The following MAGI2 variants were observed in gnomAD, a reference collection of about 807,000 sequenced individuals.
The protein encoded by MAGI2 is membrane associated guanylate kinase, WW and PDZ domain containing 2.
A neutral mutation model predicts 133.3 loss-of-function variants in MAGI2; 35 were observed. The ratio of observed to expected loss-of-function variants is 0.26; its 90% CI spans 0.20 to 0.35. MAGI2 has a LOEUF of 0.35. Ranked by LOEUF, MAGI2 falls within the 10% of genes least tolerant of loss-of-function variation. The probability of loss-of-function intolerance (pLI) is 1.00; values close to 1 mark genes in which losing one functional copy is unlikely to be tolerated. For missense variants in MAGI2, 1,636 were observed against 1,863.4 expected, an observed-to-expected ratio of 0.88 and a Z score of 2.25; for synonymous variants, 729 against 710.6, an observed-to-expected ratio of 1.03 and a Z score of -0.41.
At chr7:78,832,222 G>T (rs181712089) in intron 2 of MAGI2, among the ~76,000 whole-genome samples, 1 of 151,072 alleles carries the variant, frequency 6.6e-6, no homozygotes. Flanking sequence ...TCTAAGAATT[G>T]GTAGTTAAAA....
In MAGI2 at chr7:78,985,694, G is replaced by C. The variant is rs561029702; in HGVS notation, c.418+21396C>G. On this transcript the variant is annotated intron_variant, in intron 2 of 21. Transcript: ENST00000354212. ...TAAACTAAGTCTAAACTTTTAAAGC[G>C]CCATCTACCGTACACTGGAGTGGCT... is the stretch of plus-strand genomic sequence containing the variant. Among the ~76,000 whole-genome samples the C allele has an allele frequency of 1.3e-3, 203 of 152,078 alleles. 1 individual carries two copies. Among genetic ancestry groups the C allele is most frequent in the Non-Finnish European group, 2.4e-3 (165 of 67,972 alleles).
chr7:78,997,254 A>T (rs1465791849), intron 2 of MAGI2, among the ~76,000 whole-genome samples: 1 of 152,178 alleles, frequency 6.6e-6, no homozygotes, highest in Non-Finnish European at 1.5e-5. Context: ...ACAGCTTAGA[A>T]GAGAAACTGG....
intron 1 of MAGI2, among the ~76,000 whole-genome samples, chr7:79,144,561 C>T (rs550374569): frequency 1.3e-5 from 2 of 152,258 alleles, no homozygotes; most frequent in South Asian, 2.1e-4. Flanking sequence ...GTCGATTAAA[C>T]CTCTTTTCTT....
chr7:79,229,056 A>G (rs1031638580), intron 1 of MAGI2, among the ~76,000 whole-genome samples: 7 of 152,126 alleles, frequency 4.6e-5, no homozygotes, highest in Non-Finnish European at 7.4e-5. Context: ...AGTCTGAAGT[A>G]AAGCTCTGCA....
chr7:79,103,320 T>G (rs905099625), intron 1 of MAGI2, among the ~76,000 whole-genome samples: 27 of 152,216 alleles, frequency 1.8e-4, no homozygotes, highest in African/African-American at 5.8e-4. Context: ...GCCTGCTCCC[T>G]GTTTTTTATA....
intron 3 of MAGI2, chr7:78,617,089 G>A (rs1807186245): frequency 6.6e-6 from 1 of 152,086 alleles, no homozygotes; most frequent in African/African-American, 2.4e-5. Flanking sequence ...AGGTAGTCAG[G>A]TAGGAGCTCC....
At chr7:78,725,123 T>C (rs1820641230) in intron 2 of MAGI2, among the ~76,000 whole-genome samples, 1 of 152,238 alleles carries the variant, frequency 6.6e-6, no homozygotes, top group Non-Finnish European at 1.5e-5. Context: ...ATGTCTTTTA[T>C]GAAGAAAAGC....
rs58788674 is a variant in MAGI2 at position 78,057,977 on chromosome 7, G to GTATATATATATATATATATATATATA, written c.3706+20944_3706+20969dup. Among the ~76,000 whole-genome samples the GTATATATATATATATATATATATATA allele has an allele frequency of 4.0e-3, 421 of 106,232 alleles. 13 individuals carry two copies. The highest frequency in any genetic ancestry group is 0.01 in the Middle Eastern group (2 of 198). 69.7% of individuals were successfully genotyped at this position (106,232 alleles called of 152,430 possible). A position where few individuals can be genotyped will look rare whatever the true frequency, so the allele number is the denominator to read the frequency against. On this transcript the variant is annotated intron_variant, in intron 21 of 21. Transcript: ENST00000354212. ...CCCCTCTGGCATTTTATATATATGT[G>GTATATATATATATATATATATATATA]TATATATATATATATATATATATAT...
At chr7:79,350,514 A>G (rs1016622574) in intron 1 of MAGI2, among the ~76,000 whole-genome samples, 10 of 152,108 alleles carry the variant, frequency 6.6e-5, no homozygotes, top group Non-Finnish European at 1.2e-4. Flanking sequence ...TTTTCTTATA[A>G]TTACAGTTAA....
chr7:78,696,227 T>C (rs1817500127), intron 2 of MAGI2, among the ~76,000 whole-genome samples: 1 of 152,160 alleles, frequency 6.6e-6, no homozygotes, highest in South Asian at 2.1e-4. Context: ...CATGAACCAC[T>C]GCACCTAGCC....
intron 2 of MAGI2, among the ~76,000 whole-genome samples, chr7:78,644,341 A>C (rs1336007702): frequency 6.6e-6 from 1 of 152,114 alleles, no homozygotes; most frequent in Non-Finnish European, 1.5e-5. Context: ...ACATTTATAG[A>C]ACACTTAACA....
intron 20 of MAGI2, among the ~76,000 whole-genome samples, chr7:78,117,775 G>A (rs898311770): frequency 1.3e-5 from 2 of 152,178 alleles, no homozygotes; most frequent in Non-Finnish European, 2.9e-5. Flanking sequence ...GGTAGGTACA[G>A]ATAAATTATT....
At chr7:78,032,714 G>A (rs1809719414) in intron 21 of MAGI2, among the ~76,000 whole-genome samples, 1 of 152,222 alleles carries the variant, frequency 6.6e-6, no homozygotes, top group Admixed American at 6.5e-5. Flanking sequence ...AAGTTAAGGA[G>A]ATAGAAAGTG....
Position 78,330,258 on chromosome 7 carries a change from T to G in MAGI2, c.1408+13520A>C, listed in dbSNP as rs537106745. Among the ~76,000 whole-genome samples the G allele has an allele frequency of 2.5e-4, 38 of 152,260 alleles. No individual in the cohort carries two copies. The South Asian group carries it at 6.8e-3, about 27-fold the overall frequency. On this transcript the variant is annotated intron_variant, in intron 9 of 21. Transcript: ENST00000354212. ...TAAGGACAACATAATCATAGAAGAC[T>G]CTATGATGATTACAGCAAATCTTCT...
chr7:79,117,575 A>C (rs967876265), intron 1 of MAGI2, among the ~76,000 whole-genome samples: 1 of 152,184 alleles, frequency 6.6e-6, no homozygotes, highest in African/African-American at 2.4e-5. Flanking sequence ...TTTAGATGTT[A>C]TTATTCATTA....
intron 1 of MAGI2, among the ~76,000 whole-genome samples, chr7:79,059,959 G>GT (rs1047509254): frequency 6.6e-6 from 1 of 152,088 alleles, no homozygotes; most frequent in African/African-American, 2.4e-5. Flanking sequence ...TCAATCCTAT[G>GT]TTGTACATCT....
At chr7:78,915,534 T>G (rs955063012) in intron 2 of MAGI2, among the ~76,000 whole-genome samples, 1 of 152,132 alleles carries the variant, frequency 6.6e-6, no homozygotes, top group Non-Finnish European at 1.5e-5. Context: ...AAAATTTTAC[T>G]GAATGACCTC....
At chr7:78,524,328 G>A (rs1446987946) in intron 3 of MAGI2, among the ~76,000 whole-genome samples, 1 of 151,968 alleles carries the variant, frequency 6.6e-6, no homozygotes, top group Non-Finnish European at 1.5e-5. Flanking sequence ...CTTCTCACTG[G>A]GTTGTTGTGA....
chr7:79,424,892 T>G (rs1287842596), intron 1 of MAGI2, among the ~76,000 whole-genome samples: 2 of 152,170 alleles, frequency 1.3e-5, no homozygotes, highest in Non-Finnish European at 2.9e-5. Context: ...CCATTCACAT[T>G]CATGCCTTCT....
Sources: allele counts gnomAD v4.1 joint callset (sites outside exome capture counted in the v4.1 genomes callset), GRCh38; gene constraint gnomAD v4.1.1; transcripts MANE v1.5; gene names NCBI Gene and HGNC (gene_info 2026-07-23, HGNC 2026-07-21).